The following FGF14 variants were observed in gnomAD, a reference collection of about 807,000 sequenced individuals.
The protein encoded by FGF14 is fibroblast growth factor 14, also known as fibroblast growth factor homologous factor 4.
In FGF14, 5 loss-of-function variants were observed where a neutral mutation model predicts 25.5. The ratio of observed to expected loss-of-function variants is 0.20; its 90% CI spans 0.10 to 0.41. FGF14 has a LOEUF of 0.41. Among genes scored for constraint, FGF14 ranks in the 10% least tolerant of loss-of-function variants. The pLI is 1.00. For synonymous variants in FGF14, 138 were observed against 118.3 expected, an observed-to-expected ratio of 1.17 and a Z score of -1.08; for missense variants, 222 against 320.1, an observed-to-expected ratio of 0.69 and a Z score of 2.34.
chr13:101,874,016 T>TA (rs1445253197), intron 2 of FGF14, among the ~76,000 whole-genome samples: 5 of 151,140 alleles, frequency 3.3e-5, no homozygotes, highest in African/African-American at 1.2e-4. Context: ...GAAGAAAAAA[T>TA]AAAAAGTGAA....
chr13:102,401,170 G>A (rs559177211), intron 1 of FGF14, among the ~76,000 whole-genome samples: 1 of 151,406 alleles, frequency 6.6e-6, no homozygotes, highest in East Asian at 1.9e-4. Context: ...TTAAGCCATA[G>A]CCCTTCACTA....
intron 1 of FGF14, among the ~76,000 whole-genome samples, chr13:102,139,938 T>C (rs530798674): frequency 3.0e-4 from 46 of 152,132 alleles, no homozygotes; most frequent in Non-Finnish European, 5.0e-4. Context: ...TGTAATTGTT[T>C]TGCATGAAAC....
intron 1 of FGF14, among the ~76,000 whole-genome samples, chr13:102,117,592 C>G (rs533542394): frequency 6.6e-6 from 1 of 152,070 alleles, no homozygotes; most frequent in African/African-American, 2.4e-5. Flanking sequence ...ATAGGAGAAG[C>G]CAGGAAACAA....
chr13:101,853,853 T>C (rs2043985934), intron 3 of FGF14, among the ~76,000 whole-genome samples: 1 of 152,136 alleles, frequency 6.6e-6, no homozygotes, highest in Non-Finnish European at 1.5e-5. Flanking sequence ...GTATTCATTA[T>C]ATATATTTTA....
intron 1 of FGF14, among the ~76,000 whole-genome samples, chr13:102,239,365 C>G (rs1184897116): frequency 6.6e-6 from 1 of 152,180 alleles, no homozygotes; most frequent in Admixed American, 6.6e-5. Flanking sequence ...ATTAGTGCTA[C>G]AGAAAAGTGT....
intron 1 of FGF14, among the ~76,000 whole-genome samples, chr13:102,201,102 C>CAAAAAAAAAAAAA (rs60149871): frequency 1.6e-5 from 1 of 62,690 alleles, no homozygotes; most frequent in African/African-American, 6.6e-5. Flanking sequence ...CTCCGTCTCT[C>CAAAAAAAAAAAAA]AAAAAAAAAA....
intron 1 of FGF14, among the ~76,000 whole-genome samples, chr13:102,381,371 G>A (rs369887566): frequency 6.6e-6 from 1 of 152,154 alleles, no homozygotes; most frequent in Non-Finnish European, 1.5e-5. Flanking sequence ...GAAATGATTA[G>A]GTCATGAGGG....
At chr13:102,046,214 G>C (rs2140026115) in intron 1 of FGF14, among the ~76,000 whole-genome samples, 1 of 152,178 alleles carries the variant, frequency 6.6e-6, no homozygotes, top group East Asian at 1.9e-4. Context: ...TTTCTGGAAA[G>C]ATAATTCCAC....
At chr13:102,047,679 T>C (rs1184487236) in intron 1 of FGF14, among the ~76,000 whole-genome samples, 3 of 151,782 alleles carry the variant, frequency 2.0e-5, no homozygotes, top group African/African-American at 7.3e-5. Flanking sequence ...GGGCCTGTTG[T>C]GGGGTGGTGG....
chr13:102,160,218 G>T (rs2047558345), intron 1 of FGF14, among the ~76,000 whole-genome samples: 1 of 152,120 alleles, frequency 6.6e-6, no homozygotes, highest in Non-Finnish European at 1.5e-5. Flanking sequence ...AGACCCTGGT[G>T]CCTCCCTAGC....
chr13:102,262,827 T>C (rs577652641), intron 1 of FGF14, among the ~76,000 whole-genome samples: 1 of 152,292 alleles, frequency 6.6e-6, no homozygotes, highest in South Asian at 2.1e-4. Flanking sequence ...CAGTGATTGA[T>C]TGATTGATTT....
intron 1 of FGF14, among the ~76,000 whole-genome samples, chr13:102,075,811 G>C (rs2043338436): frequency 6.6e-6 from 1 of 152,180 alleles, no homozygotes; most frequent in Admixed American, 6.5e-5. Context: ...GTGGAACACA[G>C]TGATATTGAA....
At chr13:101,872,059 T>C (rs1398721037) in intron 2 of FGF14, among the ~76,000 whole-genome samples, 4 of 151,904 alleles carry the variant, frequency 2.6e-5, no homozygotes, top group Non-Finnish European at 5.9e-5. Context: ...GTTCTGTCTT[T>C]TTTTCATTCT....
intron 1 of FGF14, among the ~76,000 whole-genome samples, chr13:102,287,562 C>A (rs1187668381): frequency 6.6e-6 from 1 of 152,160 alleles, no homozygotes; most frequent in African/African-American, 2.4e-5. Flanking sequence ...CAGCAGATTA[C>A]ATAGTAACTT....
At chr13:102,224,426 TA>T (rs1449752184) in intron 1 of FGF14, among the ~76,000 whole-genome samples, 1 of 152,170 alleles carries the variant, frequency 6.6e-6, no homozygotes, top group Admixed American at 6.5e-5. Context: ...CTCAGGGTTA[TA>T]GGGGTGTCAA....
chr13:102,308,773 C>G (rs2893086), intron 1 of FGF14, among the ~76,000 whole-genome samples: 82,837 of 151,764 alleles, frequency 0.55, 22,790 homozygotes, highest in Middle Eastern at 0.63. Flanking sequence ...TGCCCTCACA[C>G]AAGAGAGTGG....
chr13:102,078,386 T>C (rs1245622483), intron 1 of FGF14, among the ~76,000 whole-genome samples: 1 of 152,126 alleles, frequency 6.6e-6, no homozygotes, highest in African/African-American at 2.4e-5. Context: ...ATGTACACTA[T>C]AAAAATATAC....
intron 1 of FGF14, among the ~76,000 whole-genome samples, chr13:102,158,494 G>A (rs1054857050): frequency 2.7e-5 from 4 of 149,930 alleles, no homozygotes; most frequent in African/African-American, 4.9e-5. Flanking sequence ...CACAGGAAGG[G>A]GAACATCACA....
chr13:102,399,754 A>C (rs1409873855), intron 1 of FGF14, among the ~76,000 whole-genome samples: 2 of 152,072 alleles, frequency 1.3e-5, no homozygotes, highest in African/African-American at 4.8e-5. Context: ...GAGGAGGGTA[A>C]AAGGACGGAG....
Sources: gnomAD v4.1 joint callset for allele counts (sites outside exome capture counted in the v4.1 genomes callset) on GRCh38, gnomAD v4.1.1 for gene constraint, MANE v1.5 for transcripts, NCBI Gene and HGNC (gene_info 2026-07-23, HGNC 2026-07-21) for gene names.